The following TTC3 variants were observed in gnomAD, a reference collection of about 807,000 sequenced individuals.
TTC3 encodes tetratricopeptide repeat domain 3.
A neutral mutation model predicts 249.6 loss-of-function variants in TTC3; 180 were observed. The ratio of observed to expected loss-of-function variants is 0.72; its 90% CI spans 0.64 to 0.82. TTC3 has a LOEUF of 0.82. Among genes scored for constraint, TTC3 ranks in the 40% least tolerant of loss-of-function variants. The pLI is 0.00. For missense variants in TTC3, 2,061 were observed against 2,398.4 expected (o/e 0.86, Z 2.94); for synonymous variants, 717 against 805.0 (o/e 0.89, Z 1.85).
At chr21:37,198,534 G>A (rs1053030436) in intron 44 of TTC3, among the ~76,000 whole-genome samples, 1 of 152,144 alleles carries the variant, frequency 6.6e-6, no homozygotes, top group African/African-American at 2.4e-5. Context: ...TTGTAGTAAC[G>A]AAGATATAAA....
chr21:37,085,712 C>T (rs1220155041), intron 1 of TTC3: 1 of 152,236 alleles, frequency 6.6e-6, no homozygotes, highest in Admixed American at 6.5e-5. Context: ...GGTTGTTAAA[C>T]TACAAGGCTA....
intron 27 of TTC3, among the ~76,000 whole-genome samples, chr21:37,154,587 A>G (rs2079812596): frequency 6.6e-6 from 1 of 152,244 alleles, no homozygotes; most frequent in Non-Finnish European, 1.5e-5. Context: ...CTACACGGTC[A>G]AGACTGCCAG....
chr21:37,181,431 T>C (rs191834896), intron 35 of TTC3, among the ~76,000 whole-genome samples: 9 of 152,346 alleles, frequency 5.9e-5, no homozygotes, highest in Admixed American at 2.0e-4. Flanking sequence ...CAAATTCACA[T>C]TGGTCCTGGT....
At chr21:37,156,624 T>C in intron 27 of TTC3, 31 bp from the exon 28 acceptor site, 1 of 1,579,564 alleles carries the variant, frequency 6.3e-7, no homozygotes, top group Admixed American at 1.9e-5. Context: ...ATTTCCCTCC[T>C]CTTCTGATTT....
Position 37,138,728 on chromosome 21 carries a change from C to G in TTC3, c.1659+14C>G. On this transcript the variant is annotated intron_variant, in intron 19 of 45. Transcript: ENST00000355666. ...GGACAGCCTGAGGTAAGATTTGTAA[C>G]AGTGGTAATAAACAATTAAAATGAT... The G allele has an allele frequency of 6.4e-7, 1 of 1,569,160 alleles. No individual in the cohort carries two copies.
intron 17 of TTC3, 137 bp downstream of exon 17, chr21:37,132,903 TG>T: frequency 1.7e-6 from 1 of 591,692 alleles, no homozygotes. Context: ...TTTGTAGAGA[TG>T]GGGTCTCACT....
Position 37,172,731 on chromosome 21 carries a change from T to C in TTC3, c.4604T>C (p.Leu1535Ser), listed in dbSNP as rs1601970860. ...CTGGAAGAGAAGTTGAAAAGGCACT[T>C]AGAAGAAAACAAGGTAATCCTGTCT... Residue 1535 changes from leucine (L) to serine (S), a missense_variant, in exon 35 of 46, where the codon TTA becomes TCA. Physicochemically the swap from Leu to Ser is moderately radical, Grantham distance 145. This residue lies in a region of TTC3 where 1,040 missense variants were observed against 1,186.1 expected (regional missense o/e 0.88). Transcript: ENST00000355666. 3.1e-6 allele frequency: 5 copies of C among 1,613,808 alleles called. No individual in the cohort carries two copies. The highest frequency in any genetic ancestry group is 3.3e-4 in the Middle Eastern group (2 of 6,062).
At chr21:37,103,358 GTAAA>G (rs1216953889) in intron 10 of TTC3, among the ~76,000 whole-genome samples, 1 of 152,154 alleles carries the variant, frequency 6.6e-6, no homozygotes, top group Non-Finnish European at 1.5e-5. Context: ...GTCTTCAAGA[GTAAA>G]TAACCGTTTG....
At chr21:37,157,748 A>C (rs750167599) in intron 28 of TTC3, among the ~76,000 whole-genome samples, 18 of 152,072 alleles carry the variant, frequency 1.2e-4, no homozygotes, top group Non-Finnish European at 4.4e-5. Context: ...CTAGCAGCTA[A>C]TTCCTTCTTT....
chr21:37,109,834 A>G (rs2147805045), intron 11 of TTC3, among the ~76,000 whole-genome samples: 1 of 152,348 alleles, frequency 6.6e-6, no homozygotes, highest in Non-Finnish European at 1.5e-5. Context: ...CTGACACCTC[A>G]CACGGCCGGG....
rs143349000 is a variant in TTC3 at position 37,078,353 on chromosome 21, G to C, written c.-12+4989G>C. Among the ~76,000 whole-genome samples, 1,322 of 152,140 alleles carry C rather than the reference G, an allele frequency of 8.7e-3. 9 individuals carry two copies. Among genetic ancestry groups the C allele is most frequent in the Non-Finnish European group, 0.013 (916 of 67,978 alleles). ...GTTACATGACATGAAAAACCCTGTA[G>C]GTATTAATTAGAATTAATTGAATCA... On this transcript the variant is annotated intron_variant, in intron 1 of 45. Transcript: ENST00000355666.
At chr21:37,179,323 A>T (rs2082544341) in intron 35 of TTC3, among the ~76,000 whole-genome samples, 1 of 152,178 alleles carries the variant, frequency 6.6e-6, no homozygotes, top group Admixed American at 6.5e-5. Context: ...TATATTCTGG[A>T]TACAAGTTGC....
chr21:37,171,992 T>C (rs1249807357), intron 34 of TTC3, among the ~76,000 whole-genome samples: 2 of 152,170 alleles, frequency 1.3e-5, no homozygotes, highest in Non-Finnish European at 2.9e-5. Flanking sequence ...TCTTTCAGAG[T>C]TATATGCAGT....
At chr21:37,126,169 T>C (rs746916472) in intron 15 of TTC3, 26 bp downstream of exon 15, 11 of 1,604,594 alleles carry the variant, frequency 6.9e-6, no homozygotes, top group Non-Finnish European at 5.1e-6. Context: ...ATATCAATTG[T>C]TGCCAAGTTA....
chr21:37,166,364 T>G, exon 33 of TTC3: 1 of 1,614,200 alleles, frequency 6.2e-7, no homozygotes, highest in South Asian at 1.1e-5. Flanking sequence ...TGCTGCTGCC[T>G]ATTTTGAGGG....
At chr21:37,179,389 A>G (rs2082549876) in intron 35 of TTC3, among the ~76,000 whole-genome samples, 1 of 152,228 alleles carries the variant, frequency 6.6e-6, no homozygotes, top group Admixed American at 6.5e-5. Flanking sequence ...TTGTAAATGT[A>G]TCTCCTGTCT....
At chr21:37,134,678 T>C (rs1003045516) in intron 17 of TTC3, among the ~76,000 whole-genome samples, 6 of 152,218 alleles carry the variant, frequency 3.9e-5, no homozygotes, top group African/African-American at 1.4e-4. Context: ...TTTGTGGAAC[T>C]TTGGTGACTT....
chr21:37,124,569 A>G, intron 13 of TTC3, 50 bp from the exon 14 acceptor site: 3 of 1,588,456 alleles, frequency 1.9e-6, no homozygotes, highest in South Asian at 1.2e-5. Flanking sequence ...TGTTCATTCA[A>G]AGGATAACTT....
rs781095616 is a variant in TTC3 at position 37,200,316 on chromosome 21, CACAA to C, written c.5937_5940del (p.His1979GlnfsTer23). On this transcript the variant is annotated frameshift_variant, in exon 45 of 46. Coordinates refer to ENST00000355666, the Ensembl canonical transcript of TTC3. LOFTEE classifies it low-confidence loss of function (END_TRUNC). Reference sequence around the variant, plus strand: ...TGTGCTCAAATGTGGGCACAAGTATCACAAAGGGGTAAGAGCTCTTTTTGGCCAT... The same window carrying C: ...TGTGCTCAAATGTGGGCACAAGTATCAGGGGTAAGAGCTCTTTTTGGCCAT... 25 of 1,614,074 alleles carry C rather than the reference CACAA, an allele frequency of 1.5e-5. No homozygotes were observed. In the Admixed American group the frequency reaches 3.8e-4, roughly 25 times the overall value.
Sources: allele counts gnomAD v4.1 joint callset (sites outside exome capture counted in the v4.1 genomes callset), GRCh38; gene constraint gnomAD v4.1.1; regional missense constraint gnomAD v4.1.1; transcripts MANE v1.5; gene names NCBI Gene and HGNC (gene_info 2026-07-23, HGNC 2026-07-21).